PASK: variants seen among roughly 807,000 people sequenced by gnomAD.
PASK encodes the protein PAS domain-containing serine/threonine-protein kinase.
Under a neutral mutation model 121.0 loss-of-function variants are expected in PASK, and 110 were observed. The observed-to-expected ratio is 0.91, with a 90% CI of 0.78 to 1.06. PASK has a LOEUF of 1.06. PASK is among the 50% of genes least tolerant of loss of function. The probability of loss-of-function intolerance (pLI) is 0.00; values close to 1 mark genes in which losing one functional copy is unlikely to be tolerated. For synonymous variants in PASK, 686 were observed against 717.8 expected, an observed-to-expected ratio of 0.96 and a Z score of 0.71; for missense variants, 1,643 against 1,702.3, an observed-to-expected ratio of 0.97 and a Z score of 0.61.
chr2:241,136,927 C>A, intron 7 of PASK, 77 bp downstream of exon 7: 1 of 1,388,828 alleles, frequency 7.2e-7, no homozygotes, highest in South Asian at 1.2e-5. Flanking sequence ...GAGGCCTGTG[C>A]CACACGCAAG....
chr2:241,136,876 C>T (rs1235804848), intron 7 of PASK, 128 bp downstream of exon 7: 1 of 852,642 alleles, frequency 1.2e-6, no homozygotes, highest in African/African-American at 1.7e-5. Context: ...ACCCAAGGTC[C>T]TTCCTGGGTA....
intron 1 of PASK, among the ~76,000 whole-genome samples, chr2:241,144,151 TG>T (rs1176442951): frequency 7.5e-6 from 1 of 132,876 alleles, no homozygotes; most frequent in Non-Finnish European, 1.7e-5. Context: ...TACATGAGCG[TG>T]TGTGTGTGCG....
intron 9 of PASK, chr2:241,127,723 C>T (rs1004438073): frequency 4.2e-5 from 19 of 450,574 alleles, no homozygotes; most frequent in Middle Eastern, 6.5e-4. Context: ...CTTTGGTCAG[C>T]GCTCTCGCTT....
At position 241,115,407 on chromosome 2, in the gene PASK, C is replaced by G; in HGVS notation, c.3079G>C (p.Val1027Leu). 1 of 1,613,808 alleles carries G rather than the reference C, an allele frequency of 6.2e-7. No homozygotes were observed. Among genetic ancestry groups the G allele is most frequent in the Non-Finnish European group, 8.5e-7 (1 of 1,179,796 alleles). ...VDKEKNKEVV[V>L]KFIKKEKVLE... ...ACCTTCTCCTTCTTAATAAACTTCA[C>G]CACCACCTGTGAGGAAGACAGAGCG... The change falls in exon 13 of 18, where the codon GTG becomes CTG. Residue 1027 changes from valine to leucine, a missense_variant. Val to Leu is a conservative substitution (Grantham distance 32). Transcript: ENST00000234040.
chr2:241,150,250 C>T, upstream of PASK: 2 of 1,291,938 alleles, frequency 1.5e-6, no homozygotes, highest in Non-Finnish European at 2.0e-6. Flanking sequence ...CCTCTGCTTT[C>T]CTTCCCAGCT....
intron 9 of PASK, among the ~76,000 whole-genome samples, chr2:241,132,367 G>T (rs2310750): frequency 0.23 from 34,656 of 150,474 alleles, 4,488 homozygotes; most frequent in East Asian, 0.54. Flanking sequence ...ATACAAAAAA[G>T]TAACCGGGCG....
At chr2:241,123,835 A>G in intron 11 of PASK, 114 bp downstream of exon 11, 3 of 842,556 alleles carry the variant, frequency 3.6e-6, no homozygotes, top group South Asian at 1.5e-5. Context: ...AAAAAAAAAA[A>G]GCTACAAACA....
rs145741558 is a variant in PASK, at chr2:241,138,725, G to T, written c.670C>A (p.Arg224Ser). 6.2e-7 allele frequency: 1 copy of T among 1,613,628 alleles called. No homozygotes were observed. Among genetic ancestry groups the T allele is most frequent in the Admixed American group, 1.7e-5 (1 of 60,014 alleles). ...SVWMKRMRQE[R>S]RLCCVVVLEP... ...AGGACCACCACGCAGCATAGGCGGC[G>T]CTCCTGCCGCATCCTCTTCATCCAC... Residue 224 changes from arginine (R) to serine (S), a missense_variant, in exon 5 of 18, where the codon CGC becomes AGC. Physicochemically the swap from Arg to Ser is moderately radical, Grantham distance 110. This residue lies in a region of PASK where 1,176 missense variants were observed against 1,162.2 expected (regional missense o/e 1.01). Transcript: ENST00000234040.
chr2:241,145,215 C>T (rs1410574947), intron 1 of PASK, among the ~76,000 whole-genome samples: 1 of 152,086 alleles, frequency 6.6e-6, no homozygotes, highest in Non-Finnish European at 1.5e-5. Flanking sequence ...GCCCGGCCGA[C>T]TTCTCCCTGT....
At chr2:241,149,537 A>G (rs1473028884), upstream of PASK, 2 of 943,052 alleles carry the variant, frequency 2.1e-6, no homozygotes, top group Non-Finnish European at 3.1e-6. Context: ...CGGACCAGCC[A>G]CTTGCGCGTA....
intron 16 of PASK, 102 bp from the exon 17 acceptor site, chr2:241,107,601 G>T: frequency 8.3e-7 from 1 of 1,198,618 alleles, no homozygotes; most frequent in African/African-American, 1.5e-5. Flanking sequence ...GCCTCTGACT[G>T]GGCAGGTGGC....
intron 9 of PASK, among the ~76,000 whole-genome samples, chr2:241,132,410 G>A (rs1280365879): frequency 7.9e-5 from 12 of 151,298 alleles, no homozygotes; most frequent in African/African-American, 1.7e-4. Flanking sequence ...CCAGCTACTC[G>A]GGAGGCTGAG....
intron 15 of PASK, among the ~76,000 whole-genome samples, chr2:241,111,572 G>T (rs1483424098): frequency 2.0e-5 from 3 of 152,186 alleles, no homozygotes; most frequent in Non-Finnish European, 4.4e-5. Flanking sequence ...CCCTACAAAT[G>T]AACCACAATC....
rs113467134 is a variant in PASK, at chr2:241,119,765, C to T, written c.3072+2967G>A. On this transcript the variant is annotated intron_variant, in intron 12 of 17. Transcript: ENST00000234040. Reference sequence around the variant, plus strand: ...GATTACAGGCATGAGCCACCGCGCCCGGCCTGCAAGATGCTTCTTAATAAC... The same window carrying T: ...GATTACAGGCATGAGCCACCGCGCCTGGCCTGCAAGATGCTTCTTAATAAC... Among the ~76,000 whole-genome samples, 1,315 of 152,232 alleles carry T rather than the reference C, an allele frequency of 8.6e-3. 20 individuals are homozygous for T. Among genetic ancestry groups the T allele is most frequent in the African/African-American group, 0.031 (1,272 of 41,534 alleles).
intron 10 of PASK, among the ~76,000 whole-genome samples, chr2:241,125,096 C>T (rs549450904): frequency 6.6e-6 from 1 of 151,946 alleles, no homozygotes; most frequent in Middle Eastern, 3.4e-3. Context: ...GTCAGGAGTT[C>T]GAGACCAGCC....
Position 241,128,005 on chromosome 2 carries a change from C to A in PASK, c.1464-554G>T, listed in dbSNP as rs557497001. Among the ~76,000 whole-genome samples the A allele has an allele frequency of 5.3e-5, 8 of 152,362 alleles. No individual in the cohort carries two copies. In the East Asian group the frequency reaches 1.4e-3, roughly 26 times the overall value. On this transcript the variant is annotated intron_variant, in intron 9 of 17. Transcript: ENST00000234040. ...AGGGGCCAGGGGCCAGGGGGCCGGG[C>A]GTGGTGGCTCACGCCTGTAATCCCA...
chr2:241,114,958 G>A (rs770401863), intron 14 of PASK, 85 bp downstream of exon 14: 27 of 1,610,764 alleles, frequency 1.7e-5, no homozygotes, highest in Middle Eastern at 1.7e-4. Flanking sequence ...AGAGAGAACC[G>A]AGTATGGATC....
chr2:241,147,949 T>C (rs1172281918), intron 1 of PASK, among the ~76,000 whole-genome samples: 3 of 152,162 alleles, frequency 2.0e-5, no homozygotes, highest in Non-Finnish European at 4.4e-5. Context: ...TGGGCCAGTT[T>C]GTCACTGAAC....
intron 12 of PASK, among the ~76,000 whole-genome samples, chr2:241,116,231 C>G (rs143824231): frequency 1.1e-3 from 166 of 152,364 alleles, no homozygotes; most frequent in African/African-American, 3.7e-3. Context: ...GCAGACACAT[C>G]CCCTGCATTT....
Sources: allele counts gnomAD v4.1 joint callset (sites outside exome capture counted in the v4.1 genomes callset), GRCh38; gene constraint gnomAD v4.1.1; regional missense constraint gnomAD v4.1.1; transcripts MANE v1.5; gene names NCBI Gene and HGNC (gene_info 2026-07-23, HGNC 2026-07-21).